GPC5: variants seen among roughly 807,000 people sequenced by gnomAD.
GPC5 encodes glypican 5.
Under a neutral mutation model 53.9 loss-of-function variants are expected in GPC5, and 47 were observed. The observed-to-expected ratio is 0.87, with a 90% CI of 0.69 to 1.11. The LOEUF is 1.11. GPC5 is among the 50% of genes most tolerant of loss of function. GPC5 has a pLI of 0.00. For missense variants in GPC5, 748 were observed against 713.1 expected (o/e 1.05, Z -0.56); for synonymous variants, 286 against 263.3 (o/e 1.09, Z -0.84).
chr13:92,553,652 CA>C (rs1566290781), intron 7 of GPC5, among the ~76,000 whole-genome samples: 1 of 151,954 alleles, frequency 6.6e-6, no homozygotes, highest in Non-Finnish European at 1.5e-5. Flanking sequence ...ACAGCTAAAT[CA>C]CATGATCAAA....
At chr13:91,723,032 A>G (rs186896885) in intron 3 of GPC5, among the ~76,000 whole-genome samples, 1 of 152,266 alleles carries the variant, frequency 6.6e-6, no homozygotes, top group Admixed American at 6.5e-5. Flanking sequence ...AAGTGGTATT[A>G]TGGTTATAAC....
chr13:92,592,837 TA>T (rs1883756481), intron 7 of GPC5, among the ~76,000 whole-genome samples: 1 of 151,158 alleles, frequency 6.6e-6, no homozygotes, highest in African/African-American at 2.4e-5. Context: ...CTTGCAATAC[TA>T]GAGTTGAGTG....
At chr13:91,755,148 A>T (rs186141093) in intron 4 of GPC5, among the ~76,000 whole-genome samples, 10 of 152,246 alleles carry the variant, frequency 6.6e-5, no homozygotes, top group African/African-American at 2.4e-4. Context: ...AAATAATAGG[A>T]GAGAGAACTA....
intron 6 of GPC5, among the ~76,000 whole-genome samples, chr13:92,029,111 T>C (rs1484771405): frequency 6.6e-6 from 1 of 152,200 alleles, no homozygotes; most frequent in African/African-American, 2.4e-5. Flanking sequence ...TTCTTGAAGA[T>C]ATTTTTTACT....
intron 7 of GPC5, among the ~76,000 whole-genome samples, chr13:92,251,509 A>C (rs984410313): frequency 1.3e-5 from 2 of 152,056 alleles, no homozygotes; most frequent in African/African-American, 4.8e-5. Context: ...AGCCTGAGGT[A>C]GGGGAAAGAG....
chr13:91,647,378 C>T (rs2034586998), intron 2 of GPC5, among the ~76,000 whole-genome samples: 1 of 152,174 alleles, frequency 6.6e-6, no homozygotes, highest in Non-Finnish European at 1.5e-5. Flanking sequence ...AAAAAGTTAT[C>T]TCTGAATGTT....
chr13:91,989,153 C>G (rs1383673873), intron 6 of GPC5, among the ~76,000 whole-genome samples: 2 of 152,134 alleles, frequency 1.3e-5, no homozygotes, highest in African/African-American at 4.8e-5. Context: ...TCCTTCCTGT[C>G]TGGGTAAGAT....
At chr13:92,858,037 T>C (rs1437423844) in intron 7 of GPC5, among the ~76,000 whole-genome samples, 3 of 152,204 alleles carry the variant, frequency 2.0e-5, no homozygotes, top group African/African-American at 7.2e-5. Flanking sequence ...CACAGAACTA[T>C]TCACAATAGC....
chr13:92,299,923 G>T (rs372292284), intron 7 of GPC5, among the ~76,000 whole-genome samples: 2 of 152,262 alleles, frequency 1.3e-5, no homozygotes, highest in African/African-American at 4.8e-5. Flanking sequence ...CCTGAGGCTT[G>T]TGAAAAAGGA....
chr13:92,655,329 AT>A (rs58531515), intron 7 of GPC5, among the ~76,000 whole-genome samples: 35,051 of 138,606 alleles, frequency 0.25, 4,749 homozygotes, highest in South Asian at 0.4. Flanking sequence ...TTATTTATTT[AT>A]TTTATTTTTA....
chr13:92,511,380 T>TTCC (rs1880557354), intron 7 of GPC5, among the ~76,000 whole-genome samples: 1 of 152,216 alleles, frequency 6.6e-6, no homozygotes, highest in Non-Finnish European at 1.5e-5. Context: ...ATGTATATTT[T>TTCC]AATTATGCTT....
At chr13:92,853,858 G>T (rs150842701) in intron 7 of GPC5, among the ~76,000 whole-genome samples, 1 of 152,028 alleles carries the variant, frequency 6.6e-6, no homozygotes, top group Non-Finnish European at 1.5e-5. Flanking sequence ...CAATAGTGCC[G>T]CATCAAAGGA....
chr13:92,587,880 G>T (rs1350862097), intron 7 of GPC5, among the ~76,000 whole-genome samples: 1 of 151,666 alleles, frequency 6.6e-6, no homozygotes, highest in African/African-American at 2.4e-5. Context: ...GTATAGATCA[G>T]GTTTTTTGGG....
intron 5 of GPC5, among the ~76,000 whole-genome samples, chr13:91,880,071 C>A (rs2039247648): frequency 6.6e-6 from 1 of 151,990 alleles, no homozygotes; most frequent in Admixed American, 6.6e-5. Flanking sequence ...TAAGACTTTT[C>A]AAACAAATAC....
At chr13:91,724,793 G>T (rs1010842777) in intron 3 of GPC5, among the ~76,000 whole-genome samples, 1 of 152,094 alleles carries the variant, frequency 6.6e-6, no homozygotes, top group East Asian at 1.9e-4. Flanking sequence ...GGAGGTCAAG[G>T]CTGCAGTGAG....
intron 6 of GPC5, among the ~76,000 whole-genome samples, chr13:91,959,368 C>T (rs1018305626): frequency 2.6e-5 from 4 of 151,882 alleles, no homozygotes; most frequent in African/African-American, 9.7e-5. Context: ...TCTGAACAGA[C>T]TAATAATGAG....
chr13:92,024,848 C>T (rs2040787851), intron 6 of GPC5, among the ~76,000 whole-genome samples: 1 of 152,064 alleles, frequency 6.6e-6, no homozygotes, highest in African/African-American at 2.4e-5. Flanking sequence ...TATTTTATGG[C>T]TATGGGTATA....
At chr13:92,859,104 C>A (rs912614232) in intron 7 of GPC5, among the ~76,000 whole-genome samples, 1 of 151,898 alleles carries the variant, frequency 6.6e-6, no homozygotes, top group Non-Finnish European at 1.5e-5. Context: ...AAAAAATTAT[C>A]AAGGTATGGT....
At chr13:92,260,749 T>C (rs2042760820) in intron 7 of GPC5, among the ~76,000 whole-genome samples, 2 of 152,234 alleles carry the variant, frequency 1.3e-5, no homozygotes, top group Non-Finnish European at 2.9e-5. Context: ...AGCATTCTTA[T>C]GTTTTCTTGG....
Sources: gnomAD v4.1 joint callset for allele counts (sites outside exome capture counted in the v4.1 genomes callset) on GRCh38, gnomAD v4.1.1 for gene constraint, MANE v1.5 for transcripts, NCBI Gene and HGNC (gene_info 2026-07-23, HGNC 2026-07-21) for gene names.